Variants in IVD observed in about 807,000 individuals in gnomAD.
IVD encodes isovaleryl-CoA dehydrogenase, mitochondrial.
Under a neutral mutation model 51.3 loss-of-function variants are expected in IVD, and 31 were observed. That is an observed-to-expected ratio of 0.60 (90% CI 0.45 to 0.81). The LOEUF (loss-of-function observed/expected upper bound fraction) is 0.81. Among genes scored for constraint, IVD ranks in the 40% least tolerant of loss-of-function variants. IVD has a pLI of 0.00. For synonymous variants in IVD, 205 were observed against 219.4 expected (o/e 0.93, Z 0.58); for missense variants, 475 against 552.0 (o/e 0.86, Z 1.40).
rs370823293 is a variant in IVD, at chr15:40,431,512, G to C, written c.720-2342G>C. On this transcript the variant is annotated intron_variant, in intron 7 of 8. Transcript: ENST00000473112. ...AGACCGAGACCAGCCTGGCTAACATGGTGAAACCCCGTCTCTACTAAAAAT... is the reference window on the plus strand; with the variant it reads ...AGACCGAGACCAGCCTGGCTAACATCGTGAAACCCCGTCTCTACTAAAAAT... 5.3e-5 allele frequency among the ~76,000 whole-genome samples: 8 copies of C among 152,130 alleles called. No individual in the cohort carries two copies. The East Asian group carries it at 1.4e-3, about 26-fold the overall frequency.
chr15:40,407,615 T>C (rs374524689), intron 1 of IVD, 21 bp from the exon 2 acceptor site: 76 of 1,591,062 alleles, frequency 4.8e-5, no homozygotes, highest in Non-Finnish European at 6.2e-5. Flanking sequence ...CAGTGGCATC[T>C]GTTTACCTCT....
downstream of IVD, among the ~76,000 whole-genome samples, chr15:40,423,692 C>T (rs1892498901): frequency 6.6e-6 from 1 of 152,014 alleles, no homozygotes; most frequent in Non-Finnish European, 1.5e-5. Context: ...AAACTCTTGA[C>T]CTCATGATCT....
downstream of IVD, chr15:40,435,944 C>T (rs1247055533): frequency 1.3e-5 from 2 of 153,022 alleles, no homozygotes; most frequent in Non-Finnish European, 2.9e-5. Flanking sequence ...AGTTATCACT[C>T]TGTTTTCTGT....
At position 40,416,142 on chromosome 15, in the gene IVD, A is replaced by G. The variant is rs766453485; in HGVS notation, c.1025A>G (p.Asn342Ser). The part of the protein sequence containing the change: ...RLMACRQYVY[N>S]VAKACDEGHC... ...ATGGCGTGTCGGCAGTATGTCTACA[A>G]TGTCGCCAAGGCCTGCGATGAGGGC... The change falls in exon 10 of 12, where the codon AAT becomes AGT. Residue 342 changes from asparagine to serine, a missense_variant. Asn to Ser is a conservative substitution (Grantham distance 46). Transcript: ENST00000487418. 7.4e-6 allele frequency: 12 copies of G among 1,614,260 alleles called. No individual in the cohort carries two copies. Among genetic ancestry groups the G allele is most frequent in the Non-Finnish European group, 1.0e-5 (12 of 1,180,046 alleles).
At chr15:40,412,818 T>G in intron 6 of IVD, 173 bp from the exon 7 acceptor site, 1 of 619,664 alleles carries the variant, frequency 1.6e-6, no homozygotes, top group Non-Finnish European at 2.9e-6. Context: ...GGGATCAATC[T>G]GGGGCGTTAG....
intron 6 of IVD, chr15:40,412,587 G>C: frequency 7.8e-6 from 2 of 256,920 alleles, no homozygotes; most frequent in Non-Finnish European, 1.5e-5. Flanking sequence ...AGTACAGAGG[G>C]CTCAGTTCAG....
At chr15:40,406,245 T>G (rs928859312) in intron 1 of IVD, 32 of 1,484,082 alleles carry the variant, frequency 2.2e-5, no homozygotes, top group Middle Eastern at 3.5e-4. Flanking sequence ...GGAGAGCTCC[T>G]GAGAGACTGA....
At chr15:40,427,381 A>AG (rs1892731007), downstream of IVD, among the ~76,000 whole-genome samples, 1 of 152,248 alleles carries the variant, frequency 6.6e-6, no homozygotes, top group African/African-American at 2.4e-5. Context: ...AGCAGAGGCA[A>AG]GGAGCGTGAA....
At chr15:40,415,565 G>A (rs1228681063) in intron 9 of IVD, 83 bp downstream of exon 9, 16 of 1,186,170 alleles carry the variant, frequency 1.3e-5, no homozygotes, top group Middle Eastern at 1.9e-4. Flanking sequence ...GGTGGGCACC[G>A]TGGATGGTTA....
In IVD at chr15:40,412,806, C is replaced by G. The variant is rs919959493; in HGVS notation, c.688-185C>G. The G allele has an allele frequency of 5.0e-6, 3 of 602,128 alleles. No homozygotes were observed. The African/African-American group carries it at 5.6e-5, about 11-fold the overall frequency. The allele number at this position is 602,128 out of a possible 1,614,324, so 37.3% of individuals were successfully genotyped here. A position where few individuals can be genotyped will look rare whatever the true frequency, so the allele number is the denominator to read the frequency against. ...GAACACAAGCTAGTGGCAGAGGAGG[C>G]TGGGATCAATCTGGGGCGTTAGCAC... On this transcript the variant is annotated intron_variant, in intron 6 of 11. Coordinates refer to ENST00000487418, the MANE Select transcript of IVD (RefSeq NM_002225.5).
At chr15:40,434,028 T>C (rs1893131993) in intron 8 of IVD, 1 of 411,758 alleles carries the variant, frequency 2.4e-6, no homozygotes, top group Admixed American at 2.7e-5. Flanking sequence ...GTGGCCACAG[T>C]GCAGGGCAAG....
At chr15:40,415,243 C>T (rs1303022093) in intron 8 of IVD, 158 bp from the exon 9 acceptor site, 18 of 773,124 alleles carry the variant, frequency 2.3e-5, no homozygotes, top group African/African-American at 5.1e-5. Flanking sequence ...GCTGTCACGC[C>T]CCTGCACCTC....
chr15:40,414,602 T>G (rs1308521660), intron 7 of IVD: 2 of 391,966 alleles, frequency 5.1e-6, no homozygotes, highest in Non-Finnish European at 9.8e-6. Context: ...ACCAATTAAC[T>G]TTTCTTCTTT....
At chr15:40,424,256 C>A (rs1480822202), downstream of IVD, 2 of 1,154,152 alleles carry the variant, frequency 1.7e-6, no homozygotes, top group Non-Finnish European at 1.1e-6. Flanking sequence ...TGACTCTGAT[C>A]CCCCTGGGCC....
chr15:40,417,502 C>CAAAAAA (rs61345321), intron 11 of IVD, among the ~76,000 whole-genome samples: 2 of 88,644 alleles, frequency 2.3e-5, no homozygotes, highest in African/African-American at 7.8e-5. Flanking sequence ...AGCATGACTC[C>CAAAAAA]AAAAAAAAAA....
downstream of IVD, chr15:40,424,476 C>G (rs1892551909): frequency 3.6e-6 from 1 of 275,984 alleles, no homozygotes; most frequent in Non-Finnish European, 7.1e-6. Context: ...CTCCAACCTT[C>G]CCTCATTCCT....
chr15:40,422,789 G>A (rs1167440585), downstream of IVD, among the ~76,000 whole-genome samples: 8 of 56,724 alleles, frequency 1.4e-4, no homozygotes, highest in African/African-American at 2.7e-4. Flanking sequence ...TAGTAGAGAC[G>A]GGGTTTCACC....
At position 40,414,960 on chromosome 15, in the gene IVD, G is replaced by C. The variant is rs770077099; in HGVS notation, c.856G>C (p.Val286Leu). 3 of 1,613,964 alleles carry C rather than the reference G, an allele frequency of 1.9e-6. No homozygotes were observed. The highest frequency in any genetic ancestry group is 2.5e-6 in the Non-Finnish European group (3 of 1,180,020). ...GAGTGGGCTGGACCTGGAGCGGCTGGTGCTGGCCGGGGGGCCTCTTGGGTA... is the reference window on the plus strand; with the variant it reads ...GAGTGGGCTGGACCTGGAGCGGCTGCTGCTGGCCGGGGGGCCTCTTGGGTA... ...LMSGLDLERL[V>L]LAGGPLGLMQ... The change falls in exon 8 of 12, where the codon GTG becomes CTG. Residue 286 changes from valine to leucine, a missense_variant. By Grantham distance (32) the Val-to-Leu change is conservative (BLOSUM62 1). Transcript: ENST00000487418.
Position 40,418,901 on chromosome 15 carries a change from G to A in IVD, c.*638G>A. 1.8e-6 allele frequency: 1 copy of A among 548,140 alleles called. No individual in the cohort carries two copies. Among genetic ancestry groups the A allele is most frequent in the Non-Finnish European group, 2.7e-6 (1 of 367,006 alleles). 34.0% of individuals were successfully genotyped at this position (548,140 alleles called of 1,614,324 possible). A position where few individuals can be genotyped will look rare whatever the true frequency, so the allele number is the denominator to read the frequency against. On this transcript the variant is annotated 3_prime_UTR_variant, in exon 12 of 12. Coordinates refer to ENST00000487418, the MANE Select transcript of IVD (RefSeq NM_002225.5). ...TAATCCCAGCACTTCAGGAGGCTGA[G>A]ATGGGTGGATCACCTGAGGTCAGGA... is the stretch of plus-strand genomic sequence containing the variant.
Sources: gnomAD v4.1 joint callset for allele counts (sites outside exome capture counted in the v4.1 genomes callset) on GRCh38, gnomAD v4.1.1 for gene constraint, MANE v1.5 for transcripts, NCBI Gene and HGNC (gene_info 2026-07-23, HGNC 2026-07-21) for gene names.